The following UPB1 variants were observed in gnomAD, a reference collection of about 807,000 sequenced individuals.
UPB1 encodes beta-ureidopropionase.
UPB1 carries 40 observed loss-of-function variants against 49.1 expected under a neutral mutation model. The ratio of observed to expected loss-of-function variants is 0.81; its 90% CI spans 0.63 to 1.06. The LOEUF (loss-of-function observed/expected upper bound fraction) is 1.06. UPB1 is among the 50% of genes least tolerant of loss of function. The pLI, the probability that UPB1 is intolerant of heterozygous loss-of-function variation, is 0.00. For synonymous variants in UPB1, 207 were observed against 198.2 expected (o/e 1.04, Z -0.38); for missense variants, 499 against 505.9 (o/e 0.99, Z 0.13).
intron 6 of UPB1, among the ~76,000 whole-genome samples, chr22:24,516,044 G>A (rs2044288470): frequency 6.6e-6 from 1 of 152,186 alleles, no homozygotes; most frequent in African/African-American, 2.4e-5. Flanking sequence ...GAGCATAGTA[G>A]GTGCCTAGCC....
Position 24,523,660 on chromosome 22 carries a change from G to T in UPB1, c.958G>T (p.Ala320Ser). The change falls in exon 9 of 10, where the codon GCA (alanine) becomes TCA (serine). Residue 320 changes from alanine (A) to serine (S), a missense_variant. Ala to Ser is a moderately conservative substitution (Grantham distance 99, BLOSUM62 1). Coordinates refer to ENST00000326010, the MANE Select transcript of UPB1 (RefSeq NM_016327.3). ...CTACTTTTATGGCTCGAGCTATGTG[G>T]CAGCCCCTGACAGCAGCCGGACTCC... ...FGYFYGSSYV[A>S]APDSSRTPGL... The T allele has an allele frequency of 1.2e-6, 2 of 1,614,220 alleles. No individual in the cohort carries two copies. The highest frequency in any genetic ancestry group is 1.7e-5 in the Admixed American group (1 of 60,022).
At chr22:24,502,075 A>C (rs749228384) in intron 2 of UPB1, 51 bp from the exon 3 acceptor site, 6 of 1,595,156 alleles carry the variant, frequency 3.8e-6, no homozygotes, top group Non-Finnish European at 5.2e-6. Flanking sequence ...GATCCTAAAA[A>C]TTGCCTTACC....
chr22:24,520,937 CTT>C (rs1005218635), intron 7 of UPB1, among the ~76,000 whole-genome samples: 1 of 152,096 alleles, frequency 6.6e-6, no homozygotes, highest in Non-Finnish European at 1.5e-5. Context: ...AATCCTAACA[CTT>C]TGGGAATCCG....
In UPB1 at chr22:24,513,253, ATTC is replaced by A. The variant is rs1023332334; in HGVS notation, c.460-65_460-63del. On this transcript the variant is annotated intron_variant, in intron 4 of 9. Coordinates refer to ENST00000326010, the MANE Select transcript of UPB1 (RefSeq NM_016327.3). The stretch of plus-strand genomic sequence containing the variant: ...CCAAGCCTATTGATTTAGTAGGATC[ATTC>A]TTCTTTGATAAAAAACTACAACAAT... The A allele has an allele frequency of 5.0e-6, 8 of 1,610,512 alleles. No individual in the cohort carries two copies. The African/African-American group carries it at 5.3e-5, about 11-fold the overall frequency.
At chr22:24,500,683 C>G (rs1031181301) in intron 2 of UPB1, among the ~76,000 whole-genome samples, 1 of 152,184 alleles carries the variant, frequency 6.6e-6, no homozygotes, top group African/African-American at 2.4e-5. Context: ...ATCCTCAGGG[C>G]GGGGACTCGC....
chr22:24,500,565 T>G (rs894778326), intron 2 of UPB1, among the ~76,000 whole-genome samples: 1 of 152,248 alleles, frequency 6.6e-6, no homozygotes, highest in African/African-American at 2.4e-5. Context: ...GGTGCCCTTT[T>G]GGCCTGCTCG....
At chr22:24,511,961 C>A (rs1042399966) in intron 4 of UPB1, among the ~76,000 whole-genome samples, 37 of 152,178 alleles carry the variant, frequency 2.4e-4, no homozygotes, top group African/African-American at 7.9e-4. Context: ...CATGAGGTGA[C>A]GAATGGTCAT....
chr22:24,502,136 T>A lies in UPB1; in HGVS notation c.287T>A (p.Leu96His). 1.2e-6 allele frequency: 2 copies of A among 1,614,228 alleles called. No individual in the cohort carries two copies. Among genetic ancestry groups the A allele is most frequent in the South Asian group, 1.1e-5 (1 of 91,086 alleles). Residue 96 changes from leucine (L) to histidine (H), a missense_variant, in exon 3 of 10, where the codon CTT becomes CAT. Leu to His is a moderately conservative substitution (Grantham distance 99). Transcript: ENST00000326010. The part of the protein sequence containing the change: ...NAPVAEQVSA[L>H]HRRIKAIVEV... The stretch of plus-strand genomic sequence containing the variant: ...TTTTTAAATTCTCAGGTCTCTGCCC[T>A]TCATAGACGCATAAAGGCTATCGTA...
intron 3 of UPB1, among the ~76,000 whole-genome samples, chr22:24,510,233 C>CAA (rs202134271): frequency 4.9e-4 from 51 of 104,748 alleles, no homozygotes; most frequent in Admixed American, 2.2e-3. Flanking sequence ...AACTCCATCT[C>CAA]AAAAAAAAAA....
At chr22:24,502,534 CCAGGA>C (rs1331094543) in intron 3 of UPB1, 1 of 779,626 alleles carries the variant, frequency 1.3e-6, no homozygotes, top group African/African-American at 1.7e-5. Flanking sequence ...GCCCTCCTGA[CCAGGA>C]CTTCTTTACC....
rs943175163 is a variant in UPB1, at chr22:24,526,234, G to A, written c.*440G>A. Reference sequence around the variant, plus strand: ...GTGGTGGGTCGGATGGTCTTTGGATGTGTCAGCTTAGCTAGGCCACAGTCA... The same window carrying A: ...GTGGTGGGTCGGATGGTCTTTGGATATGTCAGCTTAGCTAGGCCACAGTCA... On this transcript the variant is annotated 3_prime_UTR_variant, in exon 10 of 10. Transcript: ENST00000326010. 1 of 269,170 alleles carries A rather than the reference G, an allele frequency of 3.7e-6. No individual in the cohort carries two copies. The highest frequency in any genetic ancestry group is 5.0e-5 in the Admixed American group (1 of 20,016). 16.7% of individuals were successfully genotyped at this position (269,170 alleles called of 1,614,324 possible).
At chr22:24,514,248 A>G (rs1461079056) in intron 5 of UPB1, among the ~76,000 whole-genome samples, 1 of 151,748 alleles carries the variant, frequency 6.6e-6, no homozygotes, top group Non-Finnish European at 1.5e-5. Flanking sequence ...CAGATAAGAA[A>G]TGGCCTGCAG....
At chr22:24,511,700 G>A (rs2044208722) in intron 4 of UPB1, among the ~76,000 whole-genome samples, 1 of 147,642 alleles carries the variant, frequency 6.8e-6, no homozygotes, top group Non-Finnish European at 1.5e-5. Context: ...TGCAAGCTCT[G>A]CCTCCTGGGT....
rs767867101 is a variant in UPB1 at position 24,526,600 on chromosome 22, C to G, written c.*806C>G. On this transcript the variant is annotated 3_prime_UTR_variant, in exon 10 of 10. Coordinates refer to ENST00000326010, the MANE Select transcript of UPB1 (RefSeq NM_016327.3). ...TATATCCCCTACTGGTTCTGCTTCTCTAGTTGAATCTGACTGATACAGATT... is the reference window on the plus strand; with the variant it reads ...TATATCCCCTACTGGTTCTGCTTCTGTAGTTGAATCTGACTGATACAGATT... 1.3e-5 allele frequency: 2 copies of G among 152,266 alleles called. No individual in the cohort carries two copies. Among genetic ancestry groups the G allele is most frequent in the African/African-American group, 2.4e-5 (1 of 41,454 alleles). 9.4% of individuals were successfully genotyped at this position (152,266 alleles called of 1,614,324 possible). A position where few individuals can be genotyped will look rare whatever the true frequency, so the allele number is the denominator to read the frequency against.
rs181271981 is a variant in UPB1 at position 24,513,092 on chromosome 22, A to T, written c.460-232A>T. ...TTGTTTAATTTTTTGAGGAACTCCC[A>T]TATGGTTTTCCAGAGCAGCTGCACC... On this transcript the variant is annotated intron_variant, in intron 4 of 9. Coordinates refer to ENST00000326010, the MANE Select transcript of UPB1 (RefSeq NM_016327.3). 7.7e-4 allele frequency among the ~76,000 whole-genome samples: 117 copies of T among 152,306 alleles called. 1 individual carries two copies. The highest frequency in any genetic ancestry group is 2.7e-3 in the African/African-American group (112 of 41,586).
intron 6 of UPB1, among the ~76,000 whole-genome samples, chr22:24,516,926 G>A (rs533644313): frequency 6.2e-4 from 94 of 152,110 alleles, no homozygotes; most frequent in Middle Eastern, 3.4e-3. Flanking sequence ...GGGTTTCACC[G>A]TCTTAGCCAG....
In UPB1 at chr22:24,527,464, A is replaced by G. The variant is rs946337555; in HGVS notation, c.*1670A>G. The G allele has an allele frequency of 2.7e-5, 4 of 150,924 alleles. No individual in the cohort carries two copies. In the East Asian group the frequency reaches 7.7e-4, roughly 29 times the overall value. The allele number at this position is 150,924 out of a possible 1,614,324, so 9.3% of individuals were successfully genotyped here. A position where few individuals can be genotyped will look rare whatever the true frequency, so the allele number is the denominator to read the frequency against. The stretch of plus-strand genomic sequence containing the variant: ...CTTGGCAGTTATCAGTGCAGCGCCT[A>G]TTTAGCCCTGTCCCTGAACAACACG... On this transcript the variant is annotated 3_prime_UTR_variant, in exon 10 of 10. Transcript: ENST00000326010.
At chr22:24,500,665 C>T (rs2043979694) in intron 2 of UPB1, among the ~76,000 whole-genome samples, 1 of 152,246 alleles carries the variant, frequency 6.6e-6, no homozygotes, top group Admixed American at 6.5e-5. Context: ...GTGTGTTCTT[C>T]TGCCTTAATC....
At chr22:24,498,705 G>T (rs1415885428) in intron 1 of UPB1, among the ~76,000 whole-genome samples, 1 of 152,146 alleles carries the variant, frequency 6.6e-6, no homozygotes, top group African/African-American at 2.4e-5. Context: ...TCAGCCAGGT[G>T]GTGGTTACAG....
Sources: gnomAD v4.1 joint callset for allele counts (sites outside exome capture counted in the v4.1 genomes callset) on GRCh38, gnomAD v4.1.1 for gene constraint, MANE v1.5 for transcripts, NCBI Gene and HGNC (gene_info 2026-07-23, HGNC 2026-07-21) for gene names.